The following PDE9A variants were observed in gnomAD, a reference collection of about 807,000 sequenced individuals.
The protein encoded by PDE9A is phosphodiesterase 9A.
Under a neutral mutation model 87.4 loss-of-function variants are expected in PDE9A, and 60 were observed. That is an observed-to-expected ratio of 0.69 (90% CI 0.56 to 0.85). The LOEUF (loss-of-function observed/expected upper bound fraction) is 0.85. Ranked by LOEUF, PDE9A falls within the 40% of genes least tolerant of loss-of-function variation. The pLI is 0.00. For missense variants in PDE9A, 665 were observed against 779.0 expected, an observed-to-expected ratio of 0.85 and a Z score of 1.74; for synonymous variants, 272 against 279.4, an observed-to-expected ratio of 0.97 and a Z score of 0.27.
chr21:42,687,265 C>T (rs371441189), intron 2 of PDE9A, among the ~76,000 whole-genome samples: 20 of 152,216 alleles, frequency 1.3e-4, no homozygotes, highest in East Asian at 3.9e-4. Context: ...CAGTTTTAGC[C>T]GCAAAAATAG....
At chr21:42,752,390 G>GCCT (rs35315447) in intron 9 of PDE9A, among the ~76,000 whole-genome samples, 7,431 of 152,248 alleles carry the variant, frequency 0.049, 209 homozygotes, top group Middle Eastern at 0.068. Context: ...TCCTGCCTCA[G>GCCT]CCTGAGTAGG....
At chr21:42,772,678 G>A (rs1480161057) in intron 19 of PDE9A, among the ~76,000 whole-genome samples, 158 bp downstream of exon 19, 1 of 151,852 alleles carries the variant, frequency 6.6e-6, no homozygotes, top group East Asian at 1.9e-4. Flanking sequence ...TTGTTGCCCA[G>A]GTTGGAGTGC....
chr21:42,772,101 C>T (rs1388796970), intron 18 of PDE9A, among the ~76,000 whole-genome samples: 2 of 151,644 alleles, frequency 1.3e-5, no homozygotes, highest in East Asian at 3.9e-4. Flanking sequence ...GCCTTCCCCC[C>T]TGTCAGCCCC....
At chr21:42,678,943 G>A (rs1003666217) in intron 1 of PDE9A, among the ~76,000 whole-genome samples, 3 of 152,232 alleles carry the variant, frequency 2.0e-5, no homozygotes, top group African/African-American at 7.2e-5. Flanking sequence ...CTGATCAGAA[G>A]GATCCTCCAC....
At chr21:42,757,235 G>A (rs1164430950) in intron 10 of PDE9A, 1 of 152,276 alleles carries the variant, frequency 6.6e-6, no homozygotes, top group African/African-American at 2.4e-5. Context: ...AGGAAAACGA[G>A]TGTGTGGTTC....
In PDE9A at chr21:42,739,482, C is replaced by T. The variant is rs1388893701; in HGVS notation, c.569-4294C>T. Among the ~76,000 whole-genome samples, 3 of 152,242 alleles carry T rather than the reference C, an allele frequency of 2.0e-5. No homozygotes were observed. The highest frequency in any genetic ancestry group is 7.2e-5 in the African/African-American group (3 of 41,464). ...ACCACATGCTCACCTCTGCCTCCTC[C>T]TGCAGACCTCCCCGCCAGCCCCGTC... On this transcript the variant is annotated intron_variant, in intron 7 of 19. Coordinates refer to ENST00000291539, the MANE Select transcript of PDE9A (RefSeq NM_002606.3). The surrounding 1 kb of genome is among the most constrained non-coding windows in gnomAD (Gnocchi z 4.1).
intron 1 of PDE9A, among the ~76,000 whole-genome samples, chr21:42,663,716 G>A (rs2057764134): frequency 6.6e-6 from 1 of 152,164 alleles, no homozygotes; most frequent in South Asian, 2.1e-4. Context: ...CCAGCACTGT[G>A]TGACCAGCCT....
At position 42,744,822 on chromosome 21, in the gene PDE9A, C is replaced by T. The variant is rs117205837; in HGVS notation, c.653+962C>T. ...AATGCCGGTAGTAGCAAAGAGACGG[C>T]GGTGATGATGAGCAGAGCGCATGCA... is the stretch of plus-strand genomic sequence containing the variant. On this transcript the variant is annotated intron_variant, in intron 8 of 19. Coordinates refer to ENST00000291539, the MANE Select transcript of PDE9A (RefSeq NM_002606.3). 3.3e-3 allele frequency among the ~76,000 whole-genome samples: 506 copies of T among 152,312 alleles called. 14 individuals carry two copies. In the East Asian group the frequency reaches 0.079, roughly 24 times the overall value.
Position 42,653,807 on chromosome 21 carries a change from G to A in PDE9A, c.-8G>A. On this transcript the variant is annotated 5_prime_UTR_variant, in exon 1 of 20. Transcript: ENST00000291539. ...GTAAAAAGTCCGAGTGCAGCCGCCG[G>A]GCGCAGGATGGGATCCGGCTCCTCC... The A allele has an allele frequency of 6.5e-7, 1 of 1,539,460 alleles. No individual in the cohort carries two copies. The highest frequency in any genetic ancestry group is 1.2e-5 in the South Asian group (1 of 83,154).
At chr21:42,701,417 C>T (rs571174120) in intron 4 of PDE9A, among the ~76,000 whole-genome samples, 38 of 144,926 alleles carry the variant, frequency 2.6e-4, no homozygotes, top group African/African-American at 9.6e-4. Flanking sequence ...AAAAGCTTTT[C>T]TTTGCTGTTT....
intron 4 of PDE9A, among the ~76,000 whole-genome samples, chr21:42,726,953 T>G (rs1435598367): frequency 6.6e-6 from 1 of 151,698 alleles, no homozygotes; most frequent in African/African-American, 2.4e-5. Context: ...ATTACCGAAA[T>G]TATGTCATAA....
intron 8 of PDE9A, among the ~76,000 whole-genome samples, chr21:42,750,661 C>T (rs947474433): frequency 4.6e-5 from 7 of 152,158 alleles, no homozygotes; most frequent in African/African-American, 7.2e-5. Context: ...CTGCAACCTC[C>T]GCCTCCTGGG....
chr21:42,765,339 C>A, intron 14 of PDE9A, 42 bp from the exon 15 acceptor site: 1 of 1,167,976 alleles, frequency 8.6e-7, no homozygotes, highest in South Asian at 1.3e-5. Context: ...AATAATTGTT[C>A]AGACTATACC....
At position 42,743,800 on chromosome 21, in the gene PDE9A, T is replaced by C. The variant is rs762287972; in HGVS notation, c.593T>C (p.Ile198Thr). The change falls in exon 8 of 20, where the codon ATT becomes ACT. Residue 198 changes from isoleucine to threonine, a missense_variant. Coordinates refer to ENST00000291539, the MANE Select transcript of PDE9A (RefSeq NM_002606.3). ...GTGGAAGGACTAAAAGTGGTGGAGATTGAGAAATGCAAGAGTGACATTAAG... is the reference window on the plus strand; with the variant it reads ...GTGGAAGGACTAAAAGTGGTGGAGACTGAGAAATGCAAGAGTGACATTAAG... ...VELEGLKVVE[I>T]EKCKSDIKKM... The C allele has an allele frequency of 1.9e-6, 3 of 1,593,566 alleles. No homozygotes were observed. Among genetic ancestry groups the C allele is most frequent in the African/African-American group, 2.7e-5 (2 of 74,348 alleles).
At chr21:42,767,547 G>A (rs2056526707) in intron 15 of PDE9A, among the ~76,000 whole-genome samples, 1 of 152,188 alleles carries the variant, frequency 6.6e-6, no homozygotes. Context: ...GAACTGAGCT[G>A]CTCCTCACCT....
rs1306115159 is a variant in PDE9A, at chr21:42,759,329, ACT to A, written c.897+247_897+248del. Among the ~76,000 whole-genome samples the A allele has an allele frequency of 1.3e-5, 2 of 151,640 alleles. No homozygotes were observed. Among genetic ancestry groups the A allele is most frequent in the Non-Finnish European group, 2.9e-5 (2 of 67,936 alleles). On this transcript the variant is annotated intron_variant, in intron 11 of 19. Transcript: ENST00000291539. This position sits in a 1 kb window ranked among gnomAD's most constrained non-coding sequence, Gnocchi z 7.2. ...AAGCAAGGAGTAGCTTATCAGTGAG[ACT>A]CTGCCATCATCAAGCAAAGCAGCAT...
At chr21:42,655,119 CAT>C (rs555557844) in intron 1 of PDE9A, among the ~76,000 whole-genome samples, 129 of 152,106 alleles carry the variant, frequency 8.5e-4, no homozygotes, top group African/African-American at 2.4e-3. Context: ...CACACACACA[CAT>C]GCTCCAATGC....
chr21:42,713,583 AT>A lies in PDE9A; in HGVS notation c.262+14574del, dbSNP rs779148242. Among the ~76,000 whole-genome samples, 51 of 152,336 alleles carry A rather than the reference AT, an allele frequency of 3.3e-4. 1 individual carries two copies. The highest frequency in any genetic ancestry group is 5.2e-4 in the Admixed American group (8 of 15,306). ...GCCCTATAGTGGCCTCATAAAACAC[AT>A]TGGGAAGTTTACTTTCTTCTGTATT... On this transcript the variant is annotated intron_variant, in intron 4 of 19. Coordinates refer to ENST00000291539, the MANE Select transcript of PDE9A (RefSeq NM_002606.3).
At chr21:42,750,446 T>C (rs1440164780) in intron 8 of PDE9A, among the ~76,000 whole-genome samples, 2 of 152,038 alleles carry the variant, frequency 1.3e-5, no homozygotes, top group Non-Finnish European at 2.9e-5. Flanking sequence ...AAGTGAGGAC[T>C]TCGGTTTTCA....
Sources: gnomAD v4.1 joint callset for allele counts (sites outside exome capture counted in the v4.1 genomes callset) on GRCh38, gnomAD v4.1.1 for gene constraint, Gnocchi (gnomAD v3.1) non-coding constraint, MANE v1.5 for transcripts, NCBI Gene and HGNC (gene_info 2026-07-23, HGNC 2026-07-21) for gene names.